KCNAB2: variants seen among roughly 807,000 people sequenced by gnomAD.
KCNAB2 encodes potassium voltage-gated channel subfamily A regulatory beta subunit 2.
KCNAB2 carries 29 observed loss-of-function variants against 63.6 expected under a neutral mutation model. The observed-to-expected ratio is 0.46, with a 90% CI of 0.34 to 0.62. KCNAB2 has a LOEUF of 0.62. Among genes scored for constraint, KCNAB2 ranks in the 20% least tolerant of loss-of-function variants. KCNAB2 has a pLI of 0.01. For synonymous variants in KCNAB2, 222 were observed against 224.2 expected, an observed-to-expected ratio of 0.99 and a Z score of 0.09; for missense variants, 359 against 563.9, an observed-to-expected ratio of 0.64 and a Z score of 3.68.
chr1:6,025,747 C>T (rs1335816585), intron 1 of KCNAB2, among the ~76,000 whole-genome samples: 1 of 152,186 alleles, frequency 6.6e-6, no homozygotes, highest in Non-Finnish European at 1.5e-5. Context: ...TTCGTGTTGT[C>T]ACCTGTAGCA....
At chr1:6,090,235 G>A (rs371463443) in intron 8 of KCNAB2, among the ~76,000 whole-genome samples, 154 bp from the exon 9 acceptor site, 49 of 152,068 alleles carry the variant, frequency 3.2e-4, no homozygotes, top group Middle Eastern at 3.4e-3. Context: ...CACCTCTGCC[G>A]TGGCATTTCA....
In KCNAB2 at chr1:6,069,186, G is replaced by A. The variant is rs1662993864; in HGVS notation, c.219-3569G>A. 6.6e-6 allele frequency among the ~76,000 whole-genome samples: 1 copy of A among 152,198 alleles called. No homozygotes were observed. The highest frequency in any genetic ancestry group is 1.5e-5 in the Non-Finnish European group (1 of 68,038). ...CGTGCAAACATCATCACTGCACGGAGCAGACAGGCGAGCAGGGCACTAACA... is the reference window on the plus strand; with the variant it reads ...CGTGCAAACATCATCACTGCACGGAACAGACAGGCGAGCAGGGCACTAACA... On this transcript the variant is annotated intron_variant, in intron 2 of 15. Transcript: ENST00000378083. The surrounding 1 kb of genome is among the most constrained non-coding windows in gnomAD (Gnocchi z 5.4).
intron 1 of KCNAB2, among the ~76,000 whole-genome samples, chr1:6,005,555 C>T (rs985496980): frequency 1.6e-4 from 24 of 150,838 alleles, no homozygotes; most frequent in East Asian, 9.6e-4. Context: ...CCCCCTACCC[C>T]CCATGAGTAG....
intron 2 of KCNAB2, among the ~76,000 whole-genome samples, chr1:6,056,437 A>C (rs1460513436): frequency 6.6e-6 from 1 of 152,236 alleles, no homozygotes; most frequent in East Asian, 1.9e-4. Flanking sequence ...CTGTGTAAGC[A>C]TGAGGGAGCA....
At chr1:6,085,173 T>G in intron 5 of KCNAB2, 31 bp from the exon 6 acceptor site, 2 of 1,613,304 alleles carry the variant, frequency 1.2e-6, no homozygotes, top group Non-Finnish European at 1.7e-6. Flanking sequence ...TCTGTTTGGC[T>G]GTGATGAGAG....
At chr1:6,009,873 C>T (rs1054575460) in intron 1 of KCNAB2, among the ~76,000 whole-genome samples, 8 of 139,078 alleles carry the variant, frequency 5.8e-5, no homozygotes, top group East Asian at 4.2e-4. Flanking sequence ...TTCTTTTTTT[C>T]TTTTTTTTTT....
At chr1:6,027,516 G>A (rs1659285301) in intron 1 of KCNAB2, 1 of 152,334 alleles carries the variant, frequency 6.6e-6, no homozygotes, top group African/African-American at 2.4e-5. Context: ...GAGGCAGGAT[G>A]GAGCTAGGGC....
At chr1:6,032,105 A>C (rs755939962), upstream of KCNAB2, among the ~76,000 whole-genome samples, 3 of 152,164 alleles carry the variant, frequency 2.0e-5, no homozygotes, top group Non-Finnish European at 4.4e-5. Flanking sequence ...CTGTGTTTAA[A>C]CAAACTTGGC....
At chr1:6,020,318 T>G (rs10399600) in intron 1 of KCNAB2, among the ~76,000 whole-genome samples, 61,359 of 151,972 alleles carry the variant, frequency 0.4, 13,053 homozygotes, top group East Asian at 0.6. Flanking sequence ...CAGACAGGGC[T>G]GGCTCGGGAT....
chr1:6,040,678 CCAGGGT>C (rs762222888), intron 2 of KCNAB2: 1 of 1,387,662 alleles, frequency 7.2e-7, no homozygotes, highest in South Asian at 1.2e-5. Flanking sequence ...AGGCCCCCTC[CCAGGGT>C]CAGTCCTGCT....
chr1:6,098,250 G>A, intron 15 of KCNAB2: 1 of 1,328,462 alleles, frequency 7.5e-7, no homozygotes, highest in Non-Finnish European at 9.7e-7. Flanking sequence ...GAAGGTTCTA[G>A]GGCACCTTGA....
intron 1 of KCNAB2, among the ~76,000 whole-genome samples, chr1:6,021,979 A>T (rs1217508198): frequency 5.3e-5 from 8 of 150,900 alleles, no homozygotes; most frequent in Non-Finnish European, 1.0e-4. Context: ...CTGAGTGTGT[A>T]GTTCAGTGGT....
At chr1:6,027,484 A>C (rs1464237180) in intron 1 of KCNAB2, 15 of 152,276 alleles carry the variant, frequency 9.9e-5, no homozygotes, top group African/African-American at 3.6e-4. Flanking sequence ...ACGGCACCGT[A>C]GTTTCCACCT....
At chr1:6,044,689 C>T (rs553235684), upstream of KCNAB2, among the ~76,000 whole-genome samples, 1 of 152,122 alleles carries the variant, frequency 6.6e-6, no homozygotes, top group South Asian at 2.1e-4. Context: ...CAGAGATCTG[C>T]TCTAGGAAGG....
rs1365754673 is a variant in KCNAB2, at chr1:6,071,907, G to C, written c.219-848G>C. ...CGCGTAGGGCTCCTCCTGCCGCGTA[G>C]GGCTCCCGGGAGGATCCGGGGACAG... On this transcript the variant is annotated intron_variant, in intron 2 of 15. Coordinates refer to ENST00000378083, the MANE Select transcript of KCNAB2 (RefSeq NM_001199862.2). This position sits in a 1 kb window ranked among gnomAD's most constrained non-coding sequence, Gnocchi z 8.5. 6.6e-6 allele frequency among the ~76,000 whole-genome samples: 1 copy of C among 151,876 alleles called. No homozygotes were observed. Among genetic ancestry groups the C allele is most frequent in the Non-Finnish European group, 1.5e-5 (1 of 67,942 alleles).
At chr1:6,091,350 G>C (rs1363223574) in intron 10 of KCNAB2, 43 bp downstream of exon 10, 48 of 1,369,940 alleles carry the variant, frequency 3.5e-5, no homozygotes, top group Non-Finnish European at 4.8e-5. Context: ...CTGTGTCCAA[G>C]CTGCATTTTA....
At chr1:6,030,037 T>A (rs997095433), upstream of KCNAB2, among the ~76,000 whole-genome samples, 19 of 152,210 alleles carry the variant, frequency 1.2e-4, no homozygotes. Flanking sequence ...ACAGATAATG[T>A]CTTTTGCAGA....
intron 1 of KCNAB2, among the ~76,000 whole-genome samples, chr1:6,019,172 G>T (rs189267733): frequency 6.6e-6 from 1 of 152,096 alleles, no homozygotes; most frequent in African/African-American, 2.4e-5. Flanking sequence ...CACACATGTA[G>T]TTCCAGCTAC....
chr1:6,037,914 A>G (rs1261433575), intron 1 of KCNAB2, among the ~76,000 whole-genome samples: 2 of 133,252 alleles, frequency 1.5e-5, no homozygotes, highest in Non-Finnish European at 3.1e-5. Context: ...TCGCTCTGTC[A>G]CCCAGGCTGG....
Sources: gnomAD v4.1 joint callset for allele counts (sites outside exome capture counted in the v4.1 genomes callset) on GRCh38, gnomAD v4.1.1 for gene constraint, Gnocchi (gnomAD v3.1) non-coding constraint, MANE v1.5 for transcripts, NCBI Gene and HGNC (gene_info 2026-07-23, HGNC 2026-07-21) for gene names.